Variants in ADGRL1 observed in about 807,000 individuals in gnomAD.
ADGRL1 encodes the protein CIRL-1.
Under a neutral mutation model 148.9 loss-of-function variants are expected in ADGRL1, and 31 were observed. The ratio of observed to expected loss-of-function variants is 0.21; its 90% CI spans 0.16 to 0.28. ADGRL1 has a LOEUF of 0.28. ADGRL1 is among the 10% of genes least tolerant of loss of function. The pLI, the probability that ADGRL1 is intolerant of heterozygous loss-of-function variation, is 1.00. For missense variants in ADGRL1, 1,521 were observed against 2,058.8 expected, an observed-to-expected ratio of 0.74 and a Z score of 5.05; for synonymous variants, 937 against 900.3, an observed-to-expected ratio of 1.04 and a Z score of -0.73.
intron 11 of ADGRL1, 149 bp from the exon 12 acceptor site, chr19:14,158,701 T>TG (rs1419455024): frequency 1.8e-5 from 12 of 659,534 alleles, no homozygotes; most frequent in Non-Finnish European, 2.9e-5. Flanking sequence ...CCCAGGCAGG[T>TG]GGGGGTCAGG....
chr19:14,151,047 G>T lies in ADGRL1; in HGVS notation c.4236C>A (p.Pro1412=), dbSNP rs778660560. 9 of 1,493,272 alleles carry T rather than the reference G, an allele frequency of 6.0e-6. No homozygotes were observed. The highest frequency in any genetic ancestry group is 7.2e-6 in the Non-Finnish European group (8 of 1,117,522). The allele number at this position is 1,493,272 out of a possible 1,614,324, so 92.5% of individuals were successfully genotyped here. A position where few individuals can be genotyped will look rare whatever the true frequency, so the allele number is the denominator to read the frequency against. The change falls in exon 23 of 23, where the codon CCC becomes CCA. Residue 1412 remains proline (P), a synonymous_variant. Coordinates refer to ENST00000361434, the MANE Select transcript of ADGRL1 (RefSeq NM_014921.5). Reference sequence around the variant, plus strand: ...AGGTGTAGTAGATTTCGGGGGGGCCGGGGGGTGCGGGAGGGGGTGGGGGCA... The same window carrying T: ...AGGTGTAGTAGATTTCGGGGGGGCCTGGGGGTGCGGGAGGGGGTGGGGGCA... ...EALPPPPPAP[P]GPPEIYYTSR... is the part of the protein sequence containing the mutation.
intron 1 of ADGRL1, among the ~76,000 whole-genome samples, chr19:14,198,542 G>A (rs1441377801): frequency 1.3e-5 from 2 of 152,044 alleles, no homozygotes; most frequent in East Asian, 3.9e-4. Context: ...AGCAGCTAGA[G>A]GGAGCTCATG....
chr19:14,161,499 G>A lies in ADGRL1; in HGVS notation c.1323C>T (p.Ala441=). 6.9e-7 allele frequency: 1 copy of A among 1,438,862 alleles called. No individual in the cohort carries two copies. Among genetic ancestry groups the A allele is most frequent in the Non-Finnish European group, 9.1e-7 (1 of 1,094,096 alleles). The allele number at this position is 1,438,862 out of a possible 1,614,324, so 89.1% of individuals were successfully genotyped here. A position where few individuals can be genotyped will look rare whatever the true frequency, so the allele number is the denominator to read the frequency against. The change falls in exon 6 of 23, where the codon GCC becomes GCT. Residue 441 remains alanine, a synonymous_variant. Transcript: ENST00000361434. The surrounding 1 kb of genome is among the most constrained non-coding windows in gnomAD (Gnocchi z 4.4). ...RAPLTTHPVG[A]INQLGPDLPP... ...GCAGATCAGGTCCCAGCTGGTTGAT[G>A]GCACCCACTGGGTGCGTGGTGAGGG... is the stretch of plus-strand genomic sequence containing the variant.
rs778691666 is a variant in ADGRL1, at chr19:14,157,070, C to T, written c.2821G>A (p.Val941Met). 7 of 1,613,976 alleles carry T rather than the reference C, an allele frequency of 4.3e-6. No homozygotes were observed. The highest frequency in any genetic ancestry group is 5.1e-6 in the Non-Finnish European group (6 of 1,180,016). The part of the protein sequence containing the change: ...AAFSWLCLEG[V>M]HLYLLLVEVF... ...TCCACTAGTAGCAGGTAGAGGTGCA[C>T]GCCCTCCAGGCACAGCCAGGAGAAG... Residue 941 changes from valine to methionine, a missense_variant, in exon 15 of 23, where the codon GTG becomes ATG. By Grantham distance (21) the Val-to-Met change is conservative. Transcript: ENST00000361434. The surrounding 1 kb of genome is among the most constrained non-coding windows in gnomAD (Gnocchi z 7.5).
At position 14,159,996 on chromosome 19, in the gene ADGRL1, C is replaced by CT; in HGVS notation, c.1800+115dup. 8.5e-7 allele frequency: 1 copy of CT among 1,182,224 alleles called. No homozygotes were observed. The highest frequency in any genetic ancestry group is 1.5e-5 in the South Asian group (1 of 66,886). 73.2% of individuals were successfully genotyped at this position (1,182,224 alleles called of 1,614,324 possible). A position where few individuals can be genotyped will look rare whatever the true frequency, so the allele number is the denominator to read the frequency against. On this transcript the variant is annotated intron_variant, in intron 8 of 22. Transcript: ENST00000361434. The surrounding 1 kb of genome is among the most constrained non-coding windows in gnomAD (Gnocchi z 6.0). Reference sequence around the variant, plus strand: ...GCGGAGAGGGGGGGGTCCTTCCTCTCTGAGGAAAGGAGTGGAGGTGGCAGC... The same window carrying CT: ...GCGGAGAGGGGGGGGTCCTTCCTCTCTTGAGGAAAGGAGTGGAGGTGGCAGC...
At chr19:14,195,324 C>T (rs1188449602) in intron 1 of ADGRL1, among the ~76,000 whole-genome samples, 1 of 152,150 alleles carries the variant, frequency 6.6e-6, no homozygotes, top group Non-Finnish European at 1.5e-5. Flanking sequence ...ACTCTGTCCT[C>T]GGGTGCCCTG....
intron 1 of ADGRL1, among the ~76,000 whole-genome samples, chr19:14,194,168 C>T (rs1245438235): frequency 6.6e-6 from 1 of 152,166 alleles, no homozygotes; most frequent in Non-Finnish European, 1.5e-5. Flanking sequence ...CCTGTGATCG[C>T]ACCAGTACAC....
intron 16 of ADGRL1, 112 bp from the exon 17 acceptor site, chr19:14,156,313 T>C: frequency 2.3e-6 from 2 of 852,894 alleles, no homozygotes; most frequent in Non-Finnish European, 3.8e-6. Context: ...TCGCCTCTGC[T>C]GGGAGAACCC....
chr19:14,156,073 G>A (rs1968706218), intron 17 of ADGRL1, 37 bp downstream of exon 17: 1 of 1,527,942 alleles, frequency 6.5e-7, no homozygotes, highest in Non-Finnish European at 8.9e-7. Flanking sequence ...GGCGGGGGTG[G>A]GTGATGGGGC....
intron 4 of ADGRL1, chr19:14,166,931 G>A (rs1191556245): frequency 2.2e-6 from 3 of 1,380,470 alleles, no homozygotes; most frequent in Non-Finnish European, 3.1e-6. Context: ...GAGAAGAAGG[G>A]GCCGGGGGAG....
At position 14,170,739 on chromosome 19, in the gene ADGRL1, C is replaced by T. The variant is rs1599452624; in HGVS notation, c.337G>A (p.Asp113Asn). Residue 113 changes from aspartate (D) to asparagine (N), a missense_variant, in exon 4 of 23, where the codon GAC becomes AAC. By Grantham distance (23) the Asp-to-Asn change is conservative (BLOSUM62 1). Around this residue, in one of 8 missense-constraint regions of ADGRL1, gnomAD observed 334 missense variants for 512.5 expected, o/e 0.65. Coordinates refer to ENST00000361434, the MANE Select transcript of ADGRL1 (RefSeq NM_014921.5). ...TACTTGTAGGTCCCAGGACAGGGGT[C>T]AGGAAAGGCATCCGAGCCGGCGACC... is the stretch of plus-strand genomic sequence containing the variant. ...VVVAGSDAFP[D>N]PCPGTYKYLE... 1 of 1,612,784 alleles carries T rather than the reference C, an allele frequency of 6.2e-7. No homozygotes were observed. The highest frequency in any genetic ancestry group is 8.5e-7 in the Non-Finnish European group (1 of 1,179,554).
Position 14,152,603 on chromosome 19 carries a change from C to T in ADGRL1, c.3434G>A (p.Arg1145Gln), listed in dbSNP as rs767298198. 1.9e-6 allele frequency: 3 copies of T among 1,613,970 alleles called. No homozygotes were observed. Among genetic ancestry groups the T allele is most frequent in the Admixed American group, 1.7e-5 (1 of 60,002 alleles). Residue 1145 changes from arginine to glutamine, a missense_variant, in exon 20 of 23, where the codon CGG becomes CAG. This residue lies in a region of ADGRL1 where 4 missense variants were observed against 27.7 expected (regional missense o/e 0.14). Transcript: ENST00000361434. This position sits in a 1 kb window ranked among gnomAD's most constrained non-coding sequence, Gnocchi z 6.1. ...CCTCACAGTGTCATTCCACATCCTC[C>T]GAATTCGGCTCTGGGAACACAACCC... ...RYYTGTQSRIRRMWNDTVRKQ... is the reference protein window; with the variant it reads ...RYYTGTQSRIQRMWNDTVRKQ...
intron 1 of ADGRL1, among the ~76,000 whole-genome samples, chr19:14,192,348 C>A (rs1909082094): frequency 6.6e-6 from 1 of 150,710 alleles, no homozygotes; most frequent in South Asian, 2.1e-4. Flanking sequence ...TCAAGCAATT[C>A]TCCTGCCTCA....
chr19:14,154,093 C>G (rs1968491160), intron 18 of ADGRL1, among the ~76,000 whole-genome samples: 1 of 152,080 alleles, frequency 6.6e-6, no homozygotes, highest in Non-Finnish European at 1.5e-5. Context: ...CCGAGGGGCC[C>G]AGATCAGACC....
chr19:14,171,592 T>C (rs1970476118), intron 3 of ADGRL1, among the ~76,000 whole-genome samples: 1 of 152,230 alleles, frequency 6.6e-6, no homozygotes. Context: ...CGTGAGGTGG[T>C]GTCTCTGCAA....
intron 3 of ADGRL1, among the ~76,000 whole-genome samples, chr19:14,176,767 A>G (rs1384385177): frequency 2.0e-5 from 3 of 151,706 alleles, no homozygotes; most frequent in African/African-American, 7.3e-5. Flanking sequence ...TGAACCTGAG[A>G]GGTCACAGCT....
chr19:14,152,171 A>G lies in ADGRL1; in HGVS notation c.3650-21T>C. 1 of 1,614,056 alleles carries G rather than the reference A, an allele frequency of 6.2e-7. No individual in the cohort carries two copies. The highest frequency in any genetic ancestry group is 8.5e-7 in the Non-Finnish European group (1 of 1,179,992). ...GCTCCCTGCAGGTGGCAGCCAGAAG[A>G]GAGAAGAGAAAAGGCAAGGATGAGC... On this transcript the variant is annotated intron_variant, in intron 21 of 22. Coordinates refer to ENST00000361434, the MANE Select transcript of ADGRL1 (RefSeq NM_014921.5). The surrounding 1 kb of genome is among the most constrained non-coding windows in gnomAD (Gnocchi z 6.1).
chr19:14,190,854 G>A (rs1234269408), intron 1 of ADGRL1, among the ~76,000 whole-genome samples: 10 of 152,154 alleles, frequency 6.6e-5, no homozygotes, highest in Non-Finnish European at 1.0e-4. Context: ...TTGGGAGGCC[G>A]AGGAGGGCAG....
chr19:14,156,704 T>C lies in ADGRL1; in HGVS notation c.2987A>G (p.Asn996Ser), dbSNP rs762808960. The C allele has an allele frequency of 1.9e-6, 3 of 1,611,214 alleles. No homozygotes were observed. The highest frequency in any genetic ancestry group is 2.2e-5 in the East Asian group (1 of 44,768). ...TEKACWLRVD[N>S]YFIWSFIGPV... is the part of the protein sequence containing the mutation. The stretch of plus-strand genomic sequence containing the variant: ...CCCGATGAAACTCCAGATGAAGTAA[T>C]TGTCCACTCGGAGCCAGCAGCTGTA... Residue 996 changes from asparagine (N) to serine (S), a missense_variant, in exon 16 of 23, where the codon AAT becomes AGT. By Grantham distance (46) the Asn-to-Ser change is conservative. Transcript: ENST00000361434.
Sources: gnomAD v4.1 joint callset for allele counts (sites outside exome capture counted in the v4.1 genomes callset) on GRCh38, gnomAD v4.1.1 for gene constraint, gnomAD v4.1.1 regional missense constraint, Gnocchi (gnomAD v3.1) non-coding constraint, MANE v1.5 for transcripts, NCBI Gene and HGNC (gene_info 2026-07-23, HGNC 2026-07-21) for gene names.